The following CDH12 variants were observed in gnomAD, a reference collection of about 807,000 sequenced individuals.
CDH12 encodes cadherin-12.
In CDH12, 41 loss-of-function variants were observed where a neutral mutation model predicts 74.1. The ratio of observed to expected loss-of-function variants is 0.55; its 90% CI spans 0.43 to 0.72. The LOEUF (loss-of-function observed/expected upper bound fraction) is 0.72. Among genes scored for constraint, CDH12 ranks in the 30% least tolerant of loss-of-function variants. CDH12 has a pLI of 0.00. For synonymous variants in CDH12, 399 were observed against 355.0 expected (o/e 1.12, Z -1.39); for missense variants, 945 against 977.2 (o/e 0.97, Z 0.44).
intron 4 of CDH12, among the ~76,000 whole-genome samples, chr5:22,194,858 G>A (rs1393891103): frequency 2.0e-5 from 3 of 152,158 alleles, no homozygotes; most frequent in Non-Finnish European, 4.4e-5. Flanking sequence ...AGCAGTTGTG[G>A]TCTTGCCTGG....
chr5:22,274,775 T>A (rs1184970219), intron 3 of CDH12, among the ~76,000 whole-genome samples: 3 of 152,134 alleles, frequency 2.0e-5, no homozygotes, highest in African/African-American at 7.2e-5. Flanking sequence ...CTTACTGTCT[T>A]AAAATGAATT....
intron 1 of CDH12, among the ~76,000 whole-genome samples, chr5:22,602,438 G>A (rs1017627215): frequency 2.0e-5 from 3 of 152,112 alleles, no homozygotes; most frequent in Non-Finnish European, 4.4e-5. Flanking sequence ...AGGAAAGCAA[G>A]TAAGTACAAA....
chr5:22,826,491 G>C (rs1230593487), intron 1 of CDH12, among the ~76,000 whole-genome samples: 1 of 152,166 alleles, frequency 6.6e-6, no homozygotes, highest in Non-Finnish European at 1.5e-5. Context: ...TTTGGAACTG[G>C]GTAACAGACA....
chr5:22,519,720 C>T (rs1268921808), intron 1 of CDH12, among the ~76,000 whole-genome samples: 3 of 152,020 alleles, frequency 2.0e-5, no homozygotes, highest in East Asian at 3.9e-4. Flanking sequence ...AATGAAAGAG[C>T]GCTTCAAATT....
At chr5:22,459,461 T>G (rs149579686) in intron 2 of CDH12, among the ~76,000 whole-genome samples, 2 of 152,322 alleles carry the variant, frequency 1.3e-5, no homozygotes, top group African/African-American at 4.8e-5. Context: ...CAGGCAAATT[T>G]ACTGTGTGAG....
intron 8 of CDH12, among the ~76,000 whole-genome samples, chr5:21,832,980 TATA>T (rs1328534545): frequency 1.4e-4 from 13 of 92,936 alleles, no homozygotes; most frequent in Middle Eastern, 0.014. Flanking sequence ...ATATAATATA[TATA>T]ATATCATATA....
intron 13 of CDH12, among the ~76,000 whole-genome samples, chr5:21,757,760 CTTG>C (rs112638489): frequency 0.035 from 5,296 of 152,206 alleles, 111 homozygotes; most frequent in Middle Eastern, 0.071. Context: ...ATAGTCAACA[CTTG>C]GGTTTGGTGA....
intron 3 of CDH12, among the ~76,000 whole-genome samples, chr5:22,262,538 C>T (rs930463256): frequency 2.3e-4 from 35 of 151,084 alleles, no homozygotes; most frequent in African/African-American, 8.5e-4. Context: ...GGGTTGGTTC[C>T]AAGTCTTTGC....
intron 5 of CDH12, among the ~76,000 whole-genome samples, chr5:22,050,633 C>T (rs1462974062): frequency 1.3e-5 from 2 of 152,120 alleles, no homozygotes; most frequent in Non-Finnish European, 2.9e-5. Flanking sequence ...CCAATTATCA[C>T]CCTGTTCAGC....
intron 1 of CDH12, among the ~76,000 whole-genome samples, chr5:22,579,412 AT>A (rs1381677279): frequency 6.6e-6 from 1 of 152,214 alleles, no homozygotes; most frequent in Non-Finnish European, 1.5e-5. Context: ...CTATCATTAA[AT>A]AATAGTGGTA....
At chr5:22,538,720 T>C (rs114720406) in intron 1 of CDH12, among the ~76,000 whole-genome samples, 3,467 of 152,334 alleles carry the variant, frequency 0.023, 57 homozygotes, top group Middle Eastern at 0.068. Context: ...TGATTTTTTA[T>C]AATAATATTT....
At chr5:22,200,008 T>C (rs539759001) in intron 4 of CDH12, among the ~76,000 whole-genome samples, 1 of 152,312 alleles carries the variant, frequency 6.6e-6, no homozygotes, top group Non-Finnish European at 1.5e-5. Context: ...TTGAGGATTA[T>C]GGTTCCAGGG....
At position 22,333,671 on chromosome 5, in the gene CDH12, A is replaced by C. The variant is rs1739441637; in HGVS notation, c.-333+71586T>G. ...ATACTGATCCCCAAACTAGAAAAAG[A>C]CATTCAAGAAAACAAAACTAAAGGT... On this transcript the variant is annotated intron_variant, in intron 3 of 14. Transcript: ENST00000382254. 2.6e-5 allele frequency among the ~76,000 whole-genome samples: 4 copies of C among 152,334 alleles called. No individual in the cohort carries two copies. The South Asian group carries it at 8.3e-4, about 32-fold the overall frequency.
chr5:22,060,249 A>G (rs576594372), intron 5 of CDH12, among the ~76,000 whole-genome samples: 311 of 151,870 alleles, frequency 2.0e-3, no homozygotes, highest in African/African-American at 6.9e-3. Context: ...GTTCTCACTC[A>G]TAAGTGGGAG....
At chr5:22,586,560 GA>G (rs76821159) in intron 1 of CDH12, among the ~76,000 whole-genome samples, 9,124 of 150,744 alleles carry the variant, frequency 0.061, 489 homozygotes, top group East Asian at 0.2. Flanking sequence ...TGGGGATTTA[GA>G]AAAAATTATT....
intron 4 of CDH12, among the ~76,000 whole-genome samples, chr5:22,124,442 A>T (rs570861441): frequency 1.3e-5 from 2 of 152,132 alleles, no homozygotes; most frequent in South Asian, 4.2e-4. Flanking sequence ...TTTTTTCAAA[A>T]CCAGCTTACT....
intron 5 of CDH12, among the ~76,000 whole-genome samples, chr5:22,026,542 A>T (rs1738370301): frequency 6.6e-6 from 1 of 152,154 alleles, no homozygotes; most frequent in South Asian, 2.1e-4. Context: ...CAAATCCAGG[A>T]ACTGCTCATC....
At chr5:21,812,718 C>T (rs13356482) in intron 9 of CDH12, among the ~76,000 whole-genome samples, 38,053 of 151,836 alleles carry the variant, frequency 0.25, 5,463 homozygotes, top group East Asian at 0.41. Flanking sequence ...ACACAATACA[C>T]GATACAATAT....
intron 5 of CDH12, among the ~76,000 whole-genome samples, chr5:22,000,400 C>G (rs1389128822): frequency 6.6e-6 from 1 of 152,124 alleles, no homozygotes; most frequent in East Asian, 1.9e-4. Context: ...GGCCTGAGTG[C>G]AAATGATATC....
Sources: allele counts gnomAD v4.1 joint callset (sites outside exome capture counted in the v4.1 genomes callset), GRCh38; gene constraint gnomAD v4.1.1; transcripts MANE v1.5; gene names NCBI Gene and HGNC (gene_info 2026-07-23, HGNC 2026-07-21).